The following SYTL3 variants were observed in gnomAD, a reference collection of about 807,000 sequenced individuals.
The protein encoded by SYTL3 is synaptotagmin like 3, also known as synaptotagmin-like protein 3.
Under a neutral mutation model 82.1 loss-of-function variants are expected in SYTL3, and 88 were observed. The ratio of observed to expected loss-of-function variants is 1.07; its 90% CI spans 0.90 to 1.28. SYTL3 has a LOEUF of 1.28. Ranked by LOEUF, SYTL3 falls within the 50% of genes most tolerant of loss-of-function variation. The pLI, the probability that SYTL3 is intolerant of heterozygous loss-of-function variation, is 0.00. For missense variants in SYTL3, 831 were observed against 757.6 expected, an observed-to-expected ratio of 1.10 and a Z score of -1.14; for synonymous variants, 311 against 289.4, an observed-to-expected ratio of 1.07 and a Z score of -0.76.
chr6:158,741,460 G>T (rs1312940049), intron 11 of SYTL3, among the ~76,000 whole-genome samples: 1 of 152,206 alleles, frequency 6.6e-6, no homozygotes, highest in Non-Finnish European at 1.5e-5. Context: ...AATGCTGGCT[G>T]CAGGCGTTTC....
chr6:158,738,423 C>T (rs2128500965), intron 11 of SYTL3, among the ~76,000 whole-genome samples: 1 of 152,298 alleles, frequency 6.6e-6, no homozygotes, highest in South Asian at 2.1e-4. Flanking sequence ...CCAAGTGACT[C>T]TTCTTTCCCC....
At chr6:158,653,371 T>C (rs6937130) in intron 2 of SYTL3, among the ~76,000 whole-genome samples, 44,067 of 151,758 alleles carry the variant, frequency 0.29, 6,948 homozygotes, top group East Asian at 0.68. Context: ...CGGAGGATGG[T>C]GGTGCATGCC....
At chr6:158,691,495 CTT>C (rs1215210069) in intron 6 of SYTL3, among the ~76,000 whole-genome samples, 1 of 152,118 alleles carries the variant, frequency 6.6e-6, no homozygotes, top group African/African-American at 2.4e-5. Flanking sequence ...CATCTCTCCT[CTT>C]TTGGCATCTG....
chr6:158,672,052 A>G (rs569584084), intron 5 of SYTL3, among the ~76,000 whole-genome samples: 1 of 152,220 alleles, frequency 6.6e-6, no homozygotes, highest in South Asian at 2.1e-4. Flanking sequence ...GCACTTTGGG[A>G]GGCCGAGGTG....
chr6:158,684,083 G>C (rs1207464617), intron 6 of SYTL3, among the ~76,000 whole-genome samples: 2 of 152,144 alleles, frequency 1.3e-5, no homozygotes, highest in East Asian at 1.9e-4. Flanking sequence ...AGGAATTCTC[G>C]TGGGTTTACG....
intron 6 of SYTL3, among the ~76,000 whole-genome samples, chr6:158,701,203 TGAG>T (rs1781196734): frequency 1.9e-5 from 2 of 104,516 alleles, no homozygotes; most frequent in African/African-American, 9.0e-5. Context: ...TGAAGGAGTG[TGAG>T]CTGGGGTGTA....
chr6:158,745,259 C>T lies in SYTL3; in HGVS notation c.856-221C>T, dbSNP rs531032536. Among the ~76,000 whole-genome samples the T allele has an allele frequency of 1.7e-4, 25 of 151,346 alleles. No individual in the cohort carries two copies. The South Asian group carries it at 4.8e-3, about 29-fold the overall frequency. On this transcript the variant is annotated intron_variant, in intron 11 of 17. Coordinates refer to ENST00000611299, the MANE Select transcript of SYTL3 (RefSeq NM_001242394.2). ...TGTAACATTTATTGCTAGGCAAAAACTGTATCTAGGCAAGAGAGGGCCTTC... is the reference window on the plus strand; with the variant it reads ...TGTAACATTTATTGCTAGGCAAAAATTGTATCTAGGCAAGAGAGGGCCTTC...
chr6:158,693,855 C>CTTCTCTTTTCTTTT (rs1554251444), intron 6 of SYTL3, among the ~76,000 whole-genome samples: 1 of 96,866 alleles, frequency 1.0e-5, no homozygotes, highest in African/African-American at 5.4e-5. Context: ...TTTTTCTTTT[C>CTTCTCTTTTCTTTT]TTTTTTTTTT....
chr6:158,692,257 CAAAAAAAAAAAAAAAAAAAA>C lies in SYTL3; in HGVS notation c.394+9287_394+9306del, dbSNP rs571381475. 6.2e-4 allele frequency among the ~76,000 whole-genome samples: 20 copies of C among 32,196 alleles called. No individual in the cohort carries two copies. The East Asian group carries it at 0.011, about 17-fold the overall frequency. 21.1% of individuals were successfully genotyped at this position (32,196 alleles called of 152,430 possible). On this transcript the variant is annotated intron_variant, in intron 6 of 17. Coordinates refer to ENST00000611299, the MANE Select transcript of SYTL3 (RefSeq NM_001242394.2). ...TGGGCGACAGAGCGAGACTCCGTCTCAAAAAAAAAAAAAAAAAAAAAAAAAAAAAAAAAAAAAAGGGTTAA... is the reference window on the plus strand; with the variant it reads ...TGGGCGACAGAGCGAGACTCCGTCTCAAAAAAAAAAAAAAAAAAGGGTTAA...
At chr6:158,758,760 C>A (rs1383316914) in intron 14 of SYTL3, among the ~76,000 whole-genome samples, 2 of 152,154 alleles carry the variant, frequency 1.3e-5, no homozygotes, top group African/African-American at 4.8e-5. Flanking sequence ...CATCCCCTAT[C>A]CAAGGTCAGC....
At chr6:158,707,337 A>T in intron 7 of SYTL3, 56 bp downstream of exon 7, 4 of 1,509,694 alleles carry the variant, frequency 2.6e-6, no homozygotes, top group Admixed American at 1.7e-5. Flanking sequence ...AGCGCAGAGG[A>T]CACTCTGCAA....
chr6:158,701,172 G>A (rs1178322253), intron 6 of SYTL3, among the ~76,000 whole-genome samples: 1 of 150,166 alleles, frequency 6.7e-6, no homozygotes, highest in Non-Finnish European at 1.5e-5. Flanking sequence ...TGTAGATGAA[G>A]GAGGTGAGCT....
Position 158,761,996 on chromosome 6 carries a change from T to C in SYTL3, c.1415-80T>C, listed in dbSNP as rs1790042521. 8 of 973,378 alleles carry C rather than the reference T, an allele frequency of 8.2e-6. No homozygotes were observed. The South Asian group carries it at 1.1e-4, about 14-fold the overall frequency. 60.3% of individuals were successfully genotyped at this position (973,378 alleles called of 1,614,324 possible). On this transcript the variant is annotated intron_variant, in intron 15 of 17. Transcript: ENST00000611299. ...GCTGTAGCAGATTCTCTAGCTGAGCTCTCGGTTTTGGGGTGGTGGTACTGC... is the reference window on the plus strand; with the variant it reads ...GCTGTAGCAGATTCTCTAGCTGAGCCCTCGGTTTTGGGGTGGTGGTACTGC...
At chr6:158,713,223 G>A (rs545880904) in intron 8 of SYTL3, among the ~76,000 whole-genome samples, 1 of 152,242 alleles carries the variant, frequency 6.6e-6, no homozygotes, top group East Asian at 2.0e-4. Flanking sequence ...ATGGATGGAT[G>A]TTTGGTGGCT....
intron 13 of SYTL3, among the ~76,000 whole-genome samples, chr6:158,755,066 G>C (rs1432076386): frequency 2.0e-5 from 3 of 152,210 alleles, no homozygotes; most frequent in Non-Finnish European, 4.4e-5. Context: ...CCATGGGCTG[G>C]GTGTGGAGGC....
intron 6 of SYTL3, among the ~76,000 whole-genome samples, chr6:158,692,125 G>A (rs1779950442): frequency 6.7e-6 from 1 of 148,256 alleles, no homozygotes; most frequent in African/African-American, 2.5e-5. Context: ...GGGCGTGGTG[G>A]CGGGCGCCTG....
chr6:158,708,400 T>C lies in SYTL3; in HGVS notation c.516+9T>C. ...GCCGCAGTCCTGGCAGGGTAACGTATCCATTCTGGGCACTTCTCTAGTAGG... is the reference window on the plus strand; with the variant it reads ...GCCGCAGTCCTGGCAGGGTAACGTACCCATTCTGGGCACTTCTCTAGTAGG... On this transcript the variant is annotated intron_variant, in intron 8 of 17. Transcript: ENST00000611299. 6.2e-7 allele frequency: 1 copy of C among 1,613,436 alleles called. No homozygotes were observed. Among genetic ancestry groups the C allele is most frequent in the Non-Finnish European group, 8.5e-7 (1 of 1,179,416 alleles).
intron 12 of SYTL3, among the ~76,000 whole-genome samples, chr6:158,748,614 G>A (rs1391154196): frequency 6.6e-6 from 1 of 152,146 alleles, no homozygotes; most frequent in Non-Finnish European, 1.5e-5. Context: ...GGAGGCCAAG[G>A]CAGGTGAATC....
intron 10 of SYTL3, 89 bp from the exon 11 acceptor site, chr6:158,725,414 G>A (rs1483754875): frequency 1.4e-6 from 2 of 1,467,406 alleles, no homozygotes; most frequent in Non-Finnish European, 1.9e-6. Flanking sequence ...GTAACATCAA[G>A]TCATAGATGC....
Sources: gnomAD v4.1 joint callset for allele counts (sites outside exome capture counted in the v4.1 genomes callset) on GRCh38, gnomAD v4.1.1 for gene constraint, MANE v1.5 for transcripts, NCBI Gene and HGNC (gene_info 2026-07-23, HGNC 2026-07-21) for gene names.